The following USP42 variants were observed in gnomAD, a reference collection of about 807,000 sequenced individuals.
USP42 encodes ubiquitin specific peptidase 42, also known as ubiquitin carboxyl-terminal hydrolase 42.
USP42 carries 23 observed loss-of-function variants against 113.0 expected under a neutral mutation model. The ratio of observed to expected loss-of-function variants is 0.20; its 90% CI spans 0.15 to 0.29. The LOEUF is 0.29. USP42 is among the 10% of genes least tolerant of loss of function. USP42 has a pLI of 1.00. For synonymous variants in USP42, 933 were observed against 699.0 expected (o/e 1.33, Z -5.28); for missense variants, 2,174 against 1,779.8 (o/e 1.22, Z -3.99).
the USP42 span, among the ~76,000 whole-genome samples, chr7:6,094,029 T>C: frequency 9.3e-4 from 140 of 150,958 alleles, 7 homozygotes; most frequent in African/African-American, 3.4e-3. Context: ...AGCTGGTGCG[T>C]GCCACCACAC....
the USP42 span, among the ~76,000 whole-genome samples, chr7:6,095,712 G>A: frequency 1.3e-5 from 2 of 151,052 alleles, no homozygotes; most frequent in African/African-American, 2.5e-5. Context: ...GGCAGGACTT[G>A]GAAAATCCCT....
At position 6,140,183 on chromosome 7, in the gene USP42, C is replaced by T. The variant is rs907179391; in HGVS notation, c.712C>T (p.Leu238=). The T allele has an allele frequency of 1.9e-6, 3 of 1,613,682 alleles. No homozygotes were observed. The highest frequency in any genetic ancestry group is 2.5e-6 in the Non-Finnish European group (3 of 1,179,670). ...TGTTTGTCAGATATTTGGAGGATAC[C>T]TAAGATCTAGAGGTAAGCTTTTGCT... ...TLVCQIFGGY[L]RSRVKCLNCK... Residue 238 remains leucine, a synonymous_variant, in exon 6 of 18, where the codon CTA becomes TTA. Transcript: ENST00000306177.
At chr7:6,135,248 C>CTG in intron 3 of USP42, among the ~76,000 whole-genome samples, 1 of 152,180 alleles carries the variant, frequency 6.6e-6, no homozygotes, top group Non-Finnish European at 1.5e-5. Context: ...AATTATGTGT[C>CTG]TGTCCCATAA....
chr7:6,094,856 C>T, the USP42 span, among the ~76,000 whole-genome samples: 6 of 149,136 alleles, frequency 4.0e-5, no homozygotes, highest in Non-Finnish European at 8.8e-5. Flanking sequence ...GACGCAATCT[C>T]GGCTCATTGC....
At chr7:6,127,428 C>G (rs988185828) in intron 3 of USP42, among the ~76,000 whole-genome samples, 16 of 151,332 alleles carry the variant, frequency 1.1e-4, no homozygotes, top group African/African-American at 3.9e-4. Context: ...TAATGTGTTA[C>G]ATTTAAGTCT....
chr7:6,154,043 C>G lies in USP42; in HGVS notation c.2489C>G (p.Pro830Arg), dbSNP rs370300954. The G allele has an allele frequency of 2.5e-5, 40 of 1,605,456 alleles. No individual in the cohort carries two copies. Among genetic ancestry groups the G allele is most frequent in the Non-Finnish European group, 3.3e-5 (39 of 1,179,342 alleles). ...DPGSLTGDAS[P>R]LSQDAKGMIA... is the part of the protein sequence containing the mutation. The stretch of plus-strand genomic sequence containing the variant: ...GGGAGCTTAACAGGCGATGCGAGCC[C>G]GTTGTCCCAGGACGCAAAGGGGATG... Residue 830 changes from proline (P) to arginine (R), a missense_variant, in exon 15 of 18, where the codon CCG becomes CGG. Transcript: ENST00000306177.
the USP42 span, among the ~76,000 whole-genome samples, chr7:6,092,173 C>T: frequency 7.8e-6 from 1 of 128,464 alleles, no homozygotes. Flanking sequence ...CTTTCTTCTT[C>T]TTCTCTTTTT....
At chr7:6,110,635 C>A (rs1396990763) in intron 1 of USP42, among the ~76,000 whole-genome samples, 2 of 152,102 alleles carry the variant, frequency 1.3e-5, no homozygotes, top group African/African-American at 2.4e-5. Flanking sequence ...CACTTGGTGC[C>A]ATTTGCACTT....
At chr7:6,127,943 G>C (rs1221414018) in intron 3 of USP42, among the ~76,000 whole-genome samples, 3 of 151,798 alleles carry the variant, frequency 2.0e-5, no homozygotes, top group Admixed American at 6.6e-5. Flanking sequence ...TTGTTTTTGA[G>C]ACAGAATCTT....
chr7:6,106,539 C>T (rs531734077), intron 1 of USP42, among the ~76,000 whole-genome samples: 80 of 152,270 alleles, frequency 5.3e-4, no homozygotes, highest in African/African-American at 1.9e-3. Context: ...AGTCTCATTC[C>T]TCCACACAGA....
intron 6 of USP42, among the ~76,000 whole-genome samples, chr7:6,140,442 G>C (rs547487969): frequency 1.8e-4 from 27 of 152,310 alleles, no homozygotes. Context: ...CGTATTAGCA[G>C]TCTTTTACAT....
At position 6,157,910 on chromosome 7, in the gene USP42, G is replaced by GC. The variant is rs1375344854; in HGVS notation, c.3943+861dup. On this transcript the variant is annotated intron_variant, in intron 16 of 17. Coordinates refer to ENST00000306177, the MANE Select transcript of USP42 (RefSeq NM_032172.3). This position sits in a 1 kb window ranked among gnomAD's most constrained non-coding sequence, Gnocchi z 4.1. ...CTGTGCTCTTACTGCACTTGAGGCA[G>GC]CCCCCCACTTCCTCTCCCGTTGGTG... is the stretch of plus-strand genomic sequence containing the variant. Among the ~76,000 whole-genome samples the GC allele has an allele frequency of 7.2e-5, 11 of 152,244 alleles. No homozygotes were observed. Among genetic ancestry groups the GC allele is most frequent in the African/African-American group, 2.6e-4 (11 of 41,552 alleles).
intron 2 of USP42, 101 bp downstream of exon 2, chr7:6,111,475 G>C (rs1779593699): frequency 2.1e-6 from 3 of 1,427,058 alleles, no homozygotes; most frequent in African/African-American, 2.9e-5. Flanking sequence ...AAGGCGTGAG[G>C]CCACCTGAGT....
intron 3 of USP42, chr7:6,116,810 C>G: frequency 3.8e-6 from 2 of 533,184 alleles, no homozygotes; most frequent in South Asian, 2.8e-5. Flanking sequence ...AATTCATTCC[C>G]CACAGACAGC....
intron 3 of USP42, 51 bp downstream of exon 3, chr7:6,115,574 C>T: frequency 6.3e-7 from 1 of 1,578,272 alleles, no homozygotes; most frequent in African/African-American, 1.3e-5. Context: ...AACCTACTTT[C>T]ATTTTTTCCT....
At chr7:6,123,940 A>G (rs1780380093) in intron 3 of USP42, among the ~76,000 whole-genome samples, 2 of 150,262 alleles carry the variant, frequency 1.3e-5, no homozygotes, top group South Asian at 4.2e-4. Flanking sequence ...CACTGGCATG[A>G]TCTTGGCTCA....
chr7:6,124,499 C>T (rs1476818725), intron 3 of USP42, among the ~76,000 whole-genome samples: 2 of 150,924 alleles, frequency 1.3e-5, no homozygotes, highest in African/African-American at 2.4e-5. Flanking sequence ...CTCCTGACCT[C>T]GTGATCTGCC....
chr7:6,119,166 G>A lies in USP42; in HGVS notation c.442+3643G>A, dbSNP rs930540735. On this transcript the variant is annotated intron_variant, in intron 3 of 17. Transcript: ENST00000306177. ...GGAGTTTGAGGCTGCCGTGAGCTAT[G>A]ATTGCACCACTGTATTACAGCCTGA... Among the ~76,000 whole-genome samples the A allele has an allele frequency of 4.6e-5, 7 of 152,126 alleles. 1 individual carries two copies.
At chr7:6,107,141 T>C (rs1269864965) in intron 1 of USP42, among the ~76,000 whole-genome samples, 1 of 152,218 alleles carries the variant, frequency 6.6e-6, no homozygotes, top group Non-Finnish European at 1.5e-5. Context: ...GGTTGGTTTT[T>C]CCACAGTTAC....
Sources: gnomAD v4.1 joint callset for allele counts (sites outside exome capture counted in the v4.1 genomes callset) on GRCh38, gnomAD v4.1.1 for gene constraint, Gnocchi (gnomAD v3.1) non-coding constraint, MANE v1.5 for transcripts, NCBI Gene and HGNC (gene_info 2026-07-23, HGNC 2026-07-21) for gene names.